NADK2: variants seen among roughly 807,000 people sequenced by gnomAD.
NADK2 encodes the protein NAD kinase domain-containing protein 1, mitochondrial.
A neutral mutation model predicts 62.1 loss-of-function variants in NADK2; 35 were observed. That is an observed-to-expected ratio of 0.56 (90% CI 0.43 to 0.75). The LOEUF is 0.75. Among genes scored for constraint, NADK2 ranks in the 30% least tolerant of loss-of-function variants. The pLI, the probability that NADK2 is intolerant of heterozygous loss-of-function variation, is 0.00. For synonymous variants in NADK2, 205 were observed against 207.9 expected, an observed-to-expected ratio of 0.99 and a Z score of 0.12; for missense variants, 439 against 561.3, an observed-to-expected ratio of 0.78 and a Z score of 2.20.
At chr5:36,195,852 G>T (rs1045989210) in intron 11 of NADK2, among the ~76,000 whole-genome samples, 1 of 152,178 alleles carries the variant, frequency 6.6e-6, no homozygotes, top group Non-Finnish European at 1.5e-5. Flanking sequence ...CACTGCAGTA[G>T]TAATAGCTTT....
intron 7 of NADK2, among the ~76,000 whole-genome samples, chr5:36,208,974 T>C (rs1423362945): frequency 1.3e-5 from 2 of 152,002 alleles, no homozygotes; most frequent in African/African-American, 2.4e-5. Flanking sequence ...ACCACCTTTC[T>C]CACAGGCTTG....
At chr5:36,234,822 A>T (rs577794620) in intron 1 of NADK2, among the ~76,000 whole-genome samples, 2 of 152,328 alleles carry the variant, frequency 1.3e-5, no homozygotes, top group South Asian at 4.1e-4. Context: ...TAAAAAGATC[A>T]CTGAAAATCT....
chr5:36,195,415 G>GTCAC, intron 11 of NADK2, 133 bp from the exon 12 acceptor site: 1 of 905,360 alleles, frequency 1.1e-6, no homozygotes, highest in Non-Finnish European at 1.6e-6. Context: ...GAGAAAATTA[G>GTCAC]TCACTATGTA....
At chr5:36,217,440 C>CT (rs543507795) in intron 6 of NADK2, among the ~76,000 whole-genome samples, 451 of 148,298 alleles carry the variant, frequency 3.0e-3, no homozygotes, top group African/African-American at 9.2e-3. Context: ...ATCTCTACTG[C>CT]TTTTTTTTTT....
intron 6 of NADK2, among the ~76,000 whole-genome samples, chr5:36,216,413 TTTTG>T (rs2112126774): frequency 6.6e-6 from 1 of 152,300 alleles, no homozygotes; most frequent in African/African-American, 2.4e-5. Context: ...ATACAGAAGC[TTTTG>T]TTTAATATAG....
chr5:36,241,582 C>T lies in NADK2; in HGVS notation c.217G>A (p.Val73Met). ...DGGFRPSRVV[V>M]VAKTTRYEFE... Reference sequence around the variant, plus strand: ...TCGTACCGGGTGGTTTTGGCCACCACCACCACCCGGGAGGGGCGGAAGCCG... The same window carrying T: ...TCGTACCGGGTGGTTTTGGCCACCATCACCACCCGGGAGGGGCGGAAGCCG... Residue 73 changes from valine (V) to methionine (M), a missense_variant, in exon 1 of 12, where the codon GTG (valine) becomes ATG (methionine). Val to Met is a conservative substitution (Grantham distance 21, BLOSUM62 1). Coordinates refer to ENST00000381937, the MANE Select transcript of NADK2 (RefSeq NM_001085411.3). The surrounding 1 kb of genome is among the most constrained non-coding windows in gnomAD (Gnocchi z 4.9). The T allele has an allele frequency of 6.5e-7, 1 of 1,536,524 alleles. No individual in the cohort carries two copies. Among genetic ancestry groups the T allele is most frequent in the Non-Finnish European group, 8.7e-7 (1 of 1,151,760 alleles).
At chr5:36,196,086 G>A (rs1458651949) in intron 11 of NADK2, among the ~76,000 whole-genome samples, 2 of 152,096 alleles carry the variant, frequency 1.3e-5, no homozygotes, top group Non-Finnish European at 2.9e-5. Flanking sequence ...TGGCTATTGG[G>A]AGTAGAGCTG....
intron 7 of NADK2, chr5:36,208,547 A>C (rs949289154): frequency 5.9e-6 from 6 of 1,017,644 alleles, no homozygotes; most frequent in Non-Finnish European, 8.6e-6. Flanking sequence ...TCTCACATGC[A>C]AGATTTATCA....
rs1164527180 is a variant in NADK2, at chr5:36,207,156, C to T, written c.956+14G>A. On this transcript the variant is annotated intron_variant, in intron 8 of 11. Coordinates refer to ENST00000381937, the MANE Select transcript of NADK2 (RefSeq NM_001085411.3). The stretch of plus-strand genomic sequence containing the variant: ...TTTCACAAAACTTGATAAGCAACAT[C>T]CCAAGTTACTCACCAGGCCTTTGAT... 4.4e-6 allele frequency: 7 copies of T among 1,600,060 alleles called. No homozygotes were observed. The South Asian group carries it at 6.6e-5, about 15-fold the overall frequency.
chr5:36,198,249 A>C (rs1350993618), intron 10 of NADK2, among the ~76,000 whole-genome samples: 1 of 152,050 alleles, frequency 6.6e-6, no homozygotes, highest in Non-Finnish European at 1.5e-5. Flanking sequence ...AACTACAAAG[A>C]TATCAGGCTT....
chr5:36,199,763 A>G (rs1746369711), intron 10 of NADK2, among the ~76,000 whole-genome samples: 1 of 152,030 alleles, frequency 6.6e-6, no homozygotes, highest in Non-Finnish European at 1.5e-5. Flanking sequence ...AGATTTCTTC[A>G]TAAGTATTCT....
At chr5:36,226,109 AG>A (rs1747472018) in intron 3 of NADK2, among the ~76,000 whole-genome samples, 1 of 152,212 alleles carries the variant, frequency 6.6e-6, no homozygotes, top group Non-Finnish European at 1.5e-5. Context: ...TTCAGAAAAA[AG>A]TAAGTACAAG....
Position 36,227,502 on chromosome 5 carries a change from CAT to C in NADK2, c.362_363del (p.Asn121SerfsTer7). Reference sequence around the variant, plus strand: ...CGTAAACTATCTATAATATGTTCTACATTTTTGGTGTGAATATGATGTCGTTC... The same window carrying C: ...CGTAAACTATCTATAATATGTTCTACTTTTGGTGTGAATATGATGTCGTTC... Reference protein sequence around the residue: ...LLERHHIHTKNVEHIIDSLRN... With the variant: ...LLERHHIHTKXVEHIIDSLRN... On this transcript the variant is annotated frameshift_variant, in exon 2 of 12. Transcript: ENST00000381937. LOFTEE classifies it high-confidence loss of function. 1 of 1,548,564 alleles carries C rather than the reference CAT, an allele frequency of 6.5e-7. No homozygotes were observed. The highest frequency in any genetic ancestry group is 8.7e-7 in the Non-Finnish European group (1 of 1,146,210).
chr5:36,239,063 C>T (rs1748012258), intron 1 of NADK2, among the ~76,000 whole-genome samples: 5 of 152,076 alleles, frequency 3.3e-5, no homozygotes, highest in Admixed American at 3.3e-4. Context: ...ACCACCACCA[C>T]GACAACAAAA....
At chr5:36,219,527 T>G in intron 5 of NADK2, 69 bp downstream of exon 5, 1 of 1,398,844 alleles carries the variant, frequency 7.1e-7, no homozygotes, top group South Asian at 1.2e-5. Flanking sequence ...GTTCTGTTTT[T>G]TAACAGCATT....
chr5:36,220,196 A>G (rs1747212253), intron 4 of NADK2, among the ~76,000 whole-genome samples: 1 of 152,246 alleles, frequency 6.6e-6, no homozygotes. Flanking sequence ...GTCATTTAAG[A>G]TATCCTAAGT....
At chr5:36,225,911 A>G (rs1353336758) in intron 3 of NADK2, among the ~76,000 whole-genome samples, 3 of 152,218 alleles carry the variant, frequency 2.0e-5, no homozygotes, top group African/African-American at 7.2e-5. Flanking sequence ...CCCCACAGTT[A>G]GTAACCACTA....
chr5:36,226,411 T>C (rs1747484342), intron 3 of NADK2, 64 bp downstream of exon 3: 1 of 1,269,828 alleles, frequency 7.9e-7, no homozygotes, highest in Admixed American at 1.7e-5. Context: ...CCCTAGGGTA[T>C]CTGGAAATAA....
chr5:36,208,629 C>T, intron 7 of NADK2: 3 of 1,528,732 alleles, frequency 2.0e-6, no homozygotes, highest in Non-Finnish European at 1.8e-6. Flanking sequence ...ACTCACAGTC[C>T]CTTTAGAGTG....
Sources: gnomAD v4.1 joint callset for allele counts (sites outside exome capture counted in the v4.1 genomes callset) on GRCh38, gnomAD v4.1.1 for gene constraint, Gnocchi (gnomAD v3.1) non-coding constraint, MANE v1.5 for transcripts, NCBI Gene and HGNC (gene_info 2026-07-23, HGNC 2026-07-21) for gene names.